The following DNAJC13 variants were observed in gnomAD, a reference collection of about 807,000 sequenced individuals.
DNAJC13 encodes the protein dnaJ homolog subfamily C member 13.
A neutral mutation model predicts 290.5 loss-of-function variants in DNAJC13; 75 were observed. The ratio of observed to expected loss-of-function variants is 0.26; its 90% CI spans 0.21 to 0.31. DNAJC13 has a LOEUF of 0.31. Ranked by LOEUF, DNAJC13 falls within the 10% of genes least tolerant of loss-of-function variation. The probability of loss-of-function intolerance (pLI) is 1.00; values close to 1 mark genes in which losing one functional copy is unlikely to be tolerated. For missense variants in DNAJC13, 2,260 were observed against 2,674.5 expected, an observed-to-expected ratio of 0.85 and a Z score of 3.42; for synonymous variants, 862 against 892.0, an observed-to-expected ratio of 0.97 and a Z score of 0.60.
rs1934531873 is a variant in DNAJC13 at position 132,478,038 on chromosome 3, G to T, written c.2607G>T (p.Met869Ile). ...HRFLLTPKVN[M>I]KCLCLQALAI... is the part of the protein sequence containing the mutation. ...TCTTGCTCACCCCAAAAGTAAACAT[G>T]AAGTGTTTATGTTTACAAGCCCTTG... The change falls in exon 24 of 56, where the codon ATG becomes ATT. Residue 869 changes from methionine to isoleucine, a missense_variant. By Grantham distance (10) the Met-to-Ile change is conservative. Coordinates refer to ENST00000260818, the MANE Select transcript of DNAJC13 (RefSeq NM_015268.4). 2 of 1,613,152 alleles carry T rather than the reference G, an allele frequency of 1.2e-6. No homozygotes were observed. The highest frequency in any genetic ancestry group is 1.7e-6 in the Non-Finnish European group (2 of 1,179,712).
intron 51 of DNAJC13, 99 bp downstream of exon 51, chr3:132,523,812 T>C (rs978031657): frequency 1.6e-6 from 2 of 1,222,510 alleles, no homozygotes; most frequent in Admixed American, 2.6e-5. Flanking sequence ...GAATTAGGAA[T>C]TGGCCAGCTC....
At chr3:132,497,242 T>C (rs1935261355) in intron 36 of DNAJC13, among the ~76,000 whole-genome samples, 2 of 152,242 alleles carry the variant, frequency 1.3e-5, no homozygotes, top group Admixed American at 6.5e-5. Flanking sequence ...CCAGTGTTTG[T>C]GGGGCCATTT....
chr3:132,503,274 T>G lies in DNAJC13; in HGVS notation c.4777T>G (p.Leu1593Val). ...TGCTCTGAGTCGCCTTGGAGGGTATTTGGCTGAAGAACAAGCAACTCCAGA... is the reference window on the plus strand; with the variant it reads ...TGCTCTGAGTCGCCTTGGAGGGTATGTGGCTGAAGAACAAGCAACTCCAGA... ...VHALSRLGGY[L>V]AEEQATPENP... Residue 1593 changes from leucine to valine, a missense_variant, in exon 41 of 56, where the codon TTG (leucine) becomes GTG (valine). Transcript: ENST00000260818. The G allele has an allele frequency of 6.2e-7, 1 of 1,614,084 alleles. No individual in the cohort carries two copies. The highest frequency in any genetic ancestry group is 8.5e-7 in the Non-Finnish European group (1 of 1,179,982).
At chr3:132,439,620 G>C (rs1251012978) in intron 2 of DNAJC13, among the ~76,000 whole-genome samples, 6 of 152,022 alleles carry the variant, frequency 3.9e-5, no homozygotes, top group African/African-American at 1.5e-4. Flanking sequence ...GGAATCTTAT[G>C]TTTTTCACAA....
intron 53 of DNAJC13, among the ~76,000 whole-genome samples, chr3:132,527,123 A>G (rs1479548291): frequency 6.6e-6 from 1 of 152,236 alleles, no homozygotes; most frequent in Non-Finnish European, 1.5e-5. Context: ...AGTATTTGTA[A>G]TGGTAGATAT....
chr3:132,468,472 C>G (rs754875652), intron 20 of DNAJC13, among the ~76,000 whole-genome samples: 1 of 152,118 alleles, frequency 6.6e-6, no homozygotes, highest in Non-Finnish European at 1.5e-5. Flanking sequence ...TAATAGATTA[C>G]TGCTAATTTA....
At chr3:132,424,123 A>G (rs180903407) in intron 1 of DNAJC13, among the ~76,000 whole-genome samples, 5 of 152,326 alleles carry the variant, frequency 3.3e-5, no homozygotes, top group Admixed American at 2.6e-4. Context: ...AAATATGTAA[A>G]TGATCAATAG....
At chr3:132,444,725 ATTTC>A (rs1461995366) in intron 2 of DNAJC13, among the ~76,000 whole-genome samples, 1 of 152,126 alleles carries the variant, frequency 6.6e-6, no homozygotes, top group Non-Finnish European at 1.5e-5. Flanking sequence ...GCAAAATCTT[ATTTC>A]TTTGTTTTAG....
Position 132,502,315 on chromosome 3 carries a change from G to C in DNAJC13, c.4563G>C (p.Gly1521=). The part of the protein sequence containing the change: ...GKSIPRVAAL[G]VECVSSFAVD... ...GTATTCCCCGCGTAGCTGCTCTTGGGGTAGAATGTGTCAGTTCTTTTGCTG... is the reference window on the plus strand; with the variant it reads ...GTATTCCCCGCGTAGCTGCTCTTGGCGTAGAATGTGTCAGTTCTTTTGCTG... The change falls in exon 40 of 56, where the codon GGG becomes GGC. Residue 1521 remains glycine (G), a synonymous_variant. Coordinates refer to ENST00000260818, the MANE Select transcript of DNAJC13 (RefSeq NM_015268.4). 2 of 1,613,226 alleles carry C rather than the reference G, an allele frequency of 1.2e-6. No individual in the cohort carries two copies. Among genetic ancestry groups the C allele is most frequent in the Non-Finnish European group, 1.7e-6 (2 of 1,179,688 alleles).
Position 132,522,946 on chromosome 3 carries a change from A to G in DNAJC13, c.5792A>G (p.Asn1931Ser), listed in dbSNP as rs1203694418. Residue 1931 changes from asparagine (N) to serine (S), a missense_variant, in exon 49 of 56, where the codon AAT (asparagine) becomes AGT (serine). Physicochemically the swap from Asn to Ser is conservative, Grantham distance 46 (BLOSUM62 1). Around this residue, in one of 3 missense-constraint regions of DNAJC13, gnomAD observed 1,494 missense variants for 1,693.7 expected, o/e 0.88. Transcript: ENST00000260818. ...GTHENPELIW[N>S]DNSRDKVSTT... ...CATGAAAATCCTGAGTTAATTTGGA[A>G]TGATAATTCCAGAGATAAAGTGTCC... The G allele has an allele frequency of 3.1e-6, 5 of 1,613,486 alleles. No individual in the cohort carries two copies. The African/African-American group carries it at 6.7e-5, about 22-fold the overall frequency.
chr3:132,425,913 T>C (rs1939078002), intron 1 of DNAJC13, among the ~76,000 whole-genome samples: 1 of 152,126 alleles, frequency 6.6e-6, no homozygotes, highest in Non-Finnish European at 1.5e-5. Flanking sequence ...TGGTGTTGAG[T>C]CCCTTCATCT....
Position 132,473,219 on chromosome 3 carries a change from C to T in DNAJC13, c.2283C>T (p.Phe761=), listed in dbSNP as rs758512975. 7 of 1,597,294 alleles carry T rather than the reference C, an allele frequency of 4.4e-6. No homozygotes were observed. The highest frequency in any genetic ancestry group is 3.4e-5 in the South Asian group (3 of 88,942). Residue 761 remains phenylalanine (F), a synonymous_variant, in exon 21 of 56, where the codon TTC becomes TTT. Transcript: ENST00000260818. ...RIKIEANWDL[F]YYRFGQDHAR... The stretch of plus-strand genomic sequence containing the variant: ...AAATAGAAGCAAATTGGGATCTCTT[C>T]TATTATAGGTAAACTTTAGGTCTCT...
intron 4 of DNAJC13, 89 bp downstream of exon 4, chr3:132,447,559 C>G (rs1195625947): frequency 7.9e-7 from 1 of 1,266,026 alleles, no homozygotes; most frequent in East Asian, 2.8e-5. Context: ...TTAATGTTCT[C>G]TGCCCCTGTA....
chr3:132,469,306 T>G (rs2107681109), intron 20 of DNAJC13, among the ~76,000 whole-genome samples: 1 of 152,370 alleles, frequency 6.6e-6, no homozygotes, highest in Admixed American at 6.5e-5. Flanking sequence ...CAAGATTAAC[T>G]GGCGATTCTT....
In DNAJC13 at chr3:132,506,045, C is replaced by CTTTTTTTTTTTT. The variant is rs573857472; in HGVS notation, c.4998+642_4998+653dup. The stretch of plus-strand genomic sequence containing the variant: ...CGGGTCTTACATGTCTGTACATTAT[C>CTTTTTTTTTTTT]TTTTTTTTTTTTTTTTTTTTTTTGA... On this transcript the variant is annotated intron_variant, in intron 42 of 55. Transcript: ENST00000260818. 3.9e-3 allele frequency among the ~76,000 whole-genome samples: 285 copies of CTTTTTTTTTTTT among 72,628 alleles called. 35 individuals carry two copies. The highest frequency in any genetic ancestry group is 4.9e-3 in the Non-Finnish European group (181 of 36,934). The allele number at this position is 72,628 out of a possible 152,430, so 47.6% of individuals were successfully genotyped here.
rs1011580110 is a variant in DNAJC13 at position 132,466,497 on chromosome 3, A to G, written c.2064+103A>G. 1.8e-5 allele frequency: 15 copies of G among 856,960 alleles called. No homozygotes were observed. In the Admixed American group the frequency reaches 2.0e-4, roughly 11 times the overall value. The allele number at this position is 856,960 out of a possible 1,614,324, so 53.1% of individuals were successfully genotyped here. ...TAAAAATTTTAGAAACAAAGAATTCATTGCATTGAATAGTATACTTAACTA... is the reference window on the plus strand; with the variant it reads ...TAAAAATTTTAGAAACAAAGAATTCGTTGCATTGAATAGTATACTTAACTA... On this transcript the variant is annotated intron_variant, in intron 19 of 55. Coordinates refer to ENST00000260818, the MANE Select transcript of DNAJC13 (RefSeq NM_015268.4).
intron 50 of DNAJC13, 60 bp downstream of exon 50, chr3:132,523,259 A>G (rs758116160): frequency 1.5e-5 from 24 of 1,580,656 alleles, no homozygotes; most frequent in Non-Finnish European, 2.0e-5. Context: ...TTCACTTTCT[A>G]CTGAGTCAGT....
intron 41 of DNAJC13, among the ~76,000 whole-genome samples, chr3:132,504,534 T>G (rs1488914943): frequency 1.3e-5 from 2 of 152,174 alleles, no homozygotes; most frequent in African/African-American, 4.8e-5. Flanking sequence ...CAAAATTAAA[T>G]GTTGGCATGA....
In DNAJC13 at chr3:132,526,170, G is replaced by T. The variant is rs760197706; in HGVS notation, c.6270G>T (p.Glu2090Asp). The change falls in exon 53 of 56, where the codon GAG (glutamate) becomes GAT (aspartate). Residue 2090 changes from glutamate (E) to aspartate (D), a missense_variant. Around this residue, in one of 3 missense-constraint regions of DNAJC13, gnomAD observed 1,494 missense variants for 1,693.7 expected, o/e 0.88. Transcript: ENST00000260818. ...GTGTTCGAGCCATGGCATCTTTAGA[G>T]ACCATTGGCCCACTGATGAATGGAA... The part of the protein sequence containing the change: ...ELCVRAMASL[E>D]TIGPLMNGMK... The T allele has an allele frequency of 1.9e-6, 3 of 1,614,074 alleles. No individual in the cohort carries two copies. Among genetic ancestry groups the T allele is most frequent in the Non-Finnish European group, 2.5e-6 (3 of 1,179,982 alleles).
Sources: allele counts gnomAD v4.1 joint callset (sites outside exome capture counted in the v4.1 genomes callset), GRCh38; gene constraint gnomAD v4.1.1; regional missense constraint gnomAD v4.1.1; transcripts MANE v1.5; gene names NCBI Gene and HGNC (gene_info 2026-07-23, HGNC 2026-07-21).